Variants in MAF observed in about 807,000 individuals in gnomAD.
The protein encoded by MAF is MAF bZIP transcription factor.
In MAF, 10 loss-of-function variants were observed where a neutral mutation model predicts 22.0. That is an observed-to-expected ratio of 0.45 (90% CI 0.28 to 0.77). MAF has a LOEUF of 0.77. Ranked by LOEUF, MAF falls within the 30% of genes least tolerant of loss-of-function variation. The probability of loss-of-function intolerance (pLI) is 0.12; values close to 1 mark genes in which losing one functional copy is unlikely to be tolerated. For synonymous variants in MAF, 337 were observed against 255.8 expected, an observed-to-expected ratio of 1.32 and a Z score of -3.03; for missense variants, 544 against 548.4, an observed-to-expected ratio of 0.99 and a Z score of 0.08.
the MAF span, among the ~76,000 whole-genome samples, chr16:79,304,920 G>A: frequency 5.3e-5 from 8 of 152,092 alleles, no homozygotes; most frequent in African/African-American, 1.7e-4. Flanking sequence ...TATACTTGGC[G>A]CCTTAATAAT....
the MAF span, among the ~76,000 whole-genome samples, chr16:79,253,586 C>T: frequency 1.3e-5 from 2 of 152,036 alleles, no homozygotes; most frequent in Admixed American, 6.6e-5. Context: ...TATGTGCATG[C>T]GGGAGGGTGG....
the MAF span, among the ~76,000 whole-genome samples, chr16:79,243,456 G>T: frequency 6.6e-6 from 1 of 151,984 alleles, no homozygotes; most frequent in African/African-American, 2.4e-5. Flanking sequence ...AAATAAACTA[G>T]AAAATCCACA....
chr16:79,202,787 T>C, the MAF span: 2 of 152,262 alleles, frequency 1.3e-5, no homozygotes, highest in South Asian at 4.1e-4. Context: ...TATATTTACA[T>C]AGGGAAACAA....
chr16:79,299,506 G>A, the MAF span, among the ~76,000 whole-genome samples: 2 of 152,172 alleles, frequency 1.3e-5, no homozygotes, highest in Admixed American at 1.3e-4. Flanking sequence ...CGGAGAAGGA[G>A]GGGGGTCAAG....
At chr16:79,356,181 T>TGC in the MAF span, among the ~76,000 whole-genome samples, 7 of 151,308 alleles carry the variant, frequency 4.6e-5, no homozygotes, top group Admixed American at 4.6e-4. Context: ...CTCATACATG[T>TGC]GCACACACAC....
At chr16:79,367,922 G>A in the MAF span, among the ~76,000 whole-genome samples, 1 of 152,196 alleles carries the variant, frequency 6.6e-6, no homozygotes, top group East Asian at 1.9e-4. Context: ...GAGGAGAAAT[G>A]CTTTCCAAAG....
the MAF span, among the ~76,000 whole-genome samples, chr16:79,483,732 G>C: frequency 6.6e-6 from 1 of 152,186 alleles, no homozygotes; most frequent in Non-Finnish European, 1.5e-5. Context: ...GGCAGGCATA[G>C]AGAGAGAGGG....
the MAF span, among the ~76,000 whole-genome samples, chr16:79,346,420 A>G: frequency 9.9e-3 from 1,504 of 152,302 alleles, 17 homozygotes; most frequent in Non-Finnish European, 0.018. Flanking sequence ...AGAATTGGCT[A>G]CAATGAATAC....
At chr16:79,464,755 A>G in the MAF span, among the ~76,000 whole-genome samples, 1 of 152,336 alleles carries the variant, frequency 6.6e-6, no homozygotes, top group South Asian at 2.1e-4. Context: ...GTCAAGGTCG[A>G]TTCCCAAAAT....
At chr16:79,420,373 A>T in the MAF span, among the ~76,000 whole-genome samples, 1 of 152,226 alleles carries the variant, frequency 6.6e-6, no homozygotes, top group African/African-American at 2.4e-5. Flanking sequence ...ACGTTTCTGA[A>T]CACAGTGGCC....
chr16:79,240,009 T>C, the MAF span, among the ~76,000 whole-genome samples: 1 of 151,952 alleles, frequency 6.6e-6, no homozygotes, highest in East Asian at 1.9e-4. Flanking sequence ...TTTACCCAAA[T>C]TATTATTTTA....
the MAF span, among the ~76,000 whole-genome samples, chr16:79,556,321 T>A: frequency 1.3e-5 from 2 of 152,246 alleles, no homozygotes; most frequent in African/African-American, 4.8e-5. Flanking sequence ...AGTAGATTCC[T>A]ACCCAGCTTT....
At chr16:79,330,703 C>G in the MAF span, among the ~76,000 whole-genome samples, 143,161 of 152,318 alleles carry the variant, frequency 0.94, 67,529 homozygotes, top group East Asian at 1. Context: ...GAAGGTGCCA[C>G]GCACAGTGCT....
intron 1 of MAF, 63 bp from the exon 2 acceptor site, chr16:79,594,616 G>C: frequency 6.5e-7 from 1 of 1,541,430 alleles, no homozygotes; most frequent in Non-Finnish European, 8.7e-7. Context: ...AGCGTAAAGG[G>C]GAAAGCTAGA....
chr16:79,561,916 A>C, the MAF span, among the ~76,000 whole-genome samples: 1 of 152,154 alleles, frequency 6.6e-6, no homozygotes, highest in Non-Finnish European at 1.5e-5. Context: ...ATTGCAGGGC[A>C]CTCAGCTGGG....
the MAF span, among the ~76,000 whole-genome samples, chr16:79,516,537 T>C: frequency 6.6e-6 from 1 of 152,224 alleles, no homozygotes; most frequent in Non-Finnish European, 1.5e-5. Context: ...GTAATAGATG[T>C]AGTAATAATT....
rs1344334096 is a variant in MAF at position 79,599,624 on chromosome 16, C to A, written c.279G>T (p.Trp93Cys). Residue 93 changes from tryptophan (W) to cysteine (C), a missense_variant, in exon 1 of 2, where the codon TGG becomes TGT. Trp to Cys is a radical substitution (Grantham distance 215). Transcript: ENST00000326043. Reference protein sequence around the residue: ...EQKAHLEDYYWMTGYPQQLNP... With the variant: ...EQKAHLEDYYCMTGYPQQLNP... ...TCAGCTGCTGCGGGTAGCCGGTCAT[C>A]CAGTAGTAGTCTTCCAGGTGCGCCT... 1 of 1,611,394 alleles carries A rather than the reference C, an allele frequency of 6.2e-7. No homozygotes were observed. Among genetic ancestry groups the A allele is most frequent in the East Asian group, 2.2e-5 (1 of 44,780 alleles).
chr16:79,213,331 T>C, the MAF span, among the ~76,000 whole-genome samples: 4,236 of 152,302 alleles, frequency 0.028, 137 homozygotes, highest in African/African-American at 0.084. Context: ...CAGTGGCCCA[T>C]AGCCTTGCCA....
At chr16:79,516,531 T>C in the MAF span, among the ~76,000 whole-genome samples, 1 of 152,306 alleles carries the variant, frequency 6.6e-6, no homozygotes. Flanking sequence ...AAGCTAGTAA[T>C]AGATGTAGTA....
Sources: gnomAD v4.1 joint callset for allele counts (sites outside exome capture counted in the v4.1 genomes callset) on GRCh38, gnomAD v4.1.1 for gene constraint, MANE v1.5 for transcripts, NCBI Gene and HGNC (gene_info 2026-07-23, HGNC 2026-07-21) for gene names.